The following IVL variants were observed in gnomAD, a reference collection of about 807,000 sequenced individuals.
IVL encodes the protein involucrin.
For synonymous variants in IVL, 257 were observed against 271.0 expected (o/e 0.95, Z 0.51); for missense variants, 722 against 624.9 (o/e 1.16, Z -1.66).
In IVL at chr1:152,909,941, T is replaced by C; in HGVS notation, c.144T>C (p.Pro48=). 1 of 1,614,126 alleles carries C rather than the reference T, an allele frequency of 6.2e-7. No individual in the cohort carries two copies. The highest frequency in any genetic ancestry group is 8.5e-7 in the Non-Finnish European group (1 of 1,180,010). The part of the protein sequence containing the change: ...TPLPPPCQKV[P]VELPVEVPSK... ...TGCCTCCCCCATGCCAGAAGGTGCC[T>C]GTCGAGCTCCCAGTGGAGGTCCCAT... Residue 48 remains proline, a synonymous_variant, in exon 2 of 2, where the codon CCT becomes CCC. Transcript: ENST00000368764.
rs1446692129 is a variant in IVL at position 152,910,333 on chromosome 1, A to G, written c.536A>G (p.Gln179Arg). ...GGACAGCTGAAGCACCCGGAGCAGC[A>G]GGAGGGGCAGCTGGAGCTCCCAGAG... ...QEGQLKHPEQQEGQLELPEQQ... is the reference protein window; with the variant it reads ...QEGQLKHPEQREGQLELPEQQ... The change falls in exon 2 of 2, where the codon CAG becomes CGG. Residue 179 changes from glutamine (Q) to arginine (R), a missense_variant. Transcript: ENST00000368764. 6.4e-7 allele frequency: 1 copy of G among 1,574,432 alleles called. No individual in the cohort carries two copies. The highest frequency in any genetic ancestry group is 8.6e-7 in the Non-Finnish European group (1 of 1,156,982).
At position 152,911,283 on chromosome 1, in the gene IVL, C is replaced by G; in HGVS notation, c.1486C>G (p.Gln496Glu). The G allele has an allele frequency of 1.9e-6, 3 of 1,563,444 alleles. No homozygotes were observed. The highest frequency in any genetic ancestry group is 2.4e-5 in the East Asian group (1 of 42,040). The change falls in exon 2 of 2, where the codon CAG becomes GAG. Residue 496 changes from glutamine (Q) to glutamate (E), a missense_variant. Transcript: ENST00000368764. ...QEAQLELPEQ[Q>E]VGQPKHLEQQ... The stretch of plus-strand genomic sequence containing the variant: ...GGCACAGCTGGAGCTCCCAGAGCAG[C>G]AGGTAGGACAGCCAAAGCACCTGGA...
In IVL at chr1:152,910,886, G is replaced by A. The variant is rs1455208971; in HGVS notation, c.1089G>A (p.Leu363=). Residue 363 remains leucine, a synonymous_variant, in exon 2 of 2, where the codon CTG becomes CTA. Transcript: ENST00000368764. ...ACCTGGAGCACCAGGAAGGGCAGCT[G>A]GGGCTCCCAGAGCAGCAGGTGCTGC... ...LEHLEHQEGQ[L]GLPEQQVLQL... is the part of the protein sequence containing the mutation. 6 of 1,550,714 alleles carry A rather than the reference G, an allele frequency of 3.9e-6. No individual in the cohort carries two copies. The African/African-American group carries it at 4.1e-5, about 11-fold the overall frequency.
rs768919029 is a variant in IVL at position 152,910,162 on chromosome 1, A to T, written c.365A>T (p.Gln122Leu). The change falls in exon 2 of 2, where the codon CAG becomes CTG. Residue 122 changes from glutamine (Q) to leucine (L), a missense_variant. Physicochemically the swap from Gln to Leu is moderately radical, Grantham distance 113 (BLOSUM62 -2). Transcript: ENST00000368764. ...KTQRDQQLNKQLEEEKKLLDQ... is the reference protein window; with the variant it reads ...KTQRDQQLNKLLEEEKKLLDQ... The stretch of plus-strand genomic sequence containing the variant: ...CAAAGGGATCAGCAGCTAAACAAAC[A>T]GCTGGAAGAAGAGAAGAAGCTCTTA... 2.5e-6 allele frequency: 4 copies of T among 1,614,112 alleles called. No homozygotes were observed. In the East Asian group the frequency reaches 8.9e-5, roughly 36 times the overall value.
At chr1:152,909,586 C>T (rs1649877407) in intron 1 of IVL, among the ~76,000 whole-genome samples, 193 bp from the exon 2 acceptor site, 1 of 152,166 alleles carries the variant, frequency 6.6e-6, no homozygotes, top group South Asian at 2.1e-4. Context: ...CTAGGAGGAC[C>T]TTTCTCTGCC....
At position 152,911,348 on chromosome 1, in the gene IVL, C is replaced by G. The variant is rs140811437; in HGVS notation, c.1551C>G (p.Asp517Glu). 2 of 1,581,594 alleles carry G rather than the reference C, an allele frequency of 1.3e-6. No individual in the cohort carries two copies. The highest frequency in any genetic ancestry group is 1.4e-5 in the African/African-American group (1 of 72,182). Residue 517 changes from aspartate to glutamate, a missense_variant, in exon 2 of 2, where the codon GAC becomes GAG. Coordinates refer to ENST00000368764, the MANE Select transcript of IVL (RefSeq NM_005547.4). Reference sequence around the variant, plus strand: ...ACCTAGAGCACCCAGAGCAGCAGGACGGACAACTAAAACATCTGGAGCAGC... The same window carrying G: ...ACCTAGAGCACCCAGAGCAGCAGGAGGGACAACTAAAACATCTGGAGCAGC... ...EKHLEHPEQQ[D>E]GQLKHLEQQE...
At chr1:152,909,724 T>A in intron 1 of IVL, 55 bp from the exon 2 acceptor site, 2 of 1,408,372 alleles carry the variant, frequency 1.4e-6, no homozygotes, top group Non-Finnish European at 1.9e-6. Context: ...ATTCCCAAGG[T>A]TTCATCTATT....
intron 1 of IVL, among the ~76,000 whole-genome samples, chr1:152,909,572 G>A (rs1294505084): frequency 2.0e-5 from 3 of 152,076 alleles, no homozygotes; most frequent in Admixed American, 1.3e-4. Context: ...GAACAAGGAG[G>A]CTCCTAGGAG....
rs139703221 is a variant in IVL at position 152,911,097 on chromosome 1, G to A, written c.1300G>A (p.Glu434Lys). Residue 434 changes from glutamate to lysine, a missense_variant, in exon 2 of 2, where the codon GAG (glutamate) becomes AAG (lysine). Glu to Lys is a moderately conservative substitution (Grantham distance 56). Transcript: ENST00000368764. ...EQQVGQLKHL[E>K]EQEGQLKHLE... ...GCAGGTGGGGCAGCTGAAGCACCTAGAGGAGCAGGAGGGACAACTGAAGCA... is the reference window on the plus strand; with the variant it reads ...GCAGGTGGGGCAGCTGAAGCACCTAAAGGAGCAGGAGGGACAACTGAAGCA... 196 of 1,550,896 alleles carry A rather than the reference G, an allele frequency of 1.3e-4. No individual in the cohort carries two copies. Among genetic ancestry groups the A allele is most frequent in the Non-Finnish European group, 1.6e-4 (180 of 1,146,562 alleles).
intron 1 of IVL, among the ~76,000 whole-genome samples, 156 bp downstream of exon 1, chr1:152,908,745 G>C (rs1649842810): frequency 6.6e-6 from 1 of 152,216 alleles, no homozygotes; most frequent in South Asian, 2.1e-4. Context: ...AGTACTGAGA[G>C]AAAAGTGCCT....
In IVL at chr1:152,908,828, G is replaced by T. The variant is rs1266407049; in HGVS notation, c.-20+239G>T. On this transcript the variant is annotated intron_variant, in intron 1 of 1. Transcript: ENST00000368764. ...TTCTTGTGACCATATTTTTGGATTT[G>T]TGTGTGAGAGAGAATTATGGAAGGG... Among the ~76,000 whole-genome samples, 8 of 152,188 alleles carry T rather than the reference G, an allele frequency of 5.3e-5. No homozygotes were observed. The East Asian group carries it at 1.5e-3, about 29-fold the overall frequency.
rs373993505 is a variant in IVL, at chr1:152,910,086, G to A, written c.289G>A (p.Glu97Lys). 3.1e-6 allele frequency: 5 copies of A among 1,614,072 alleles called. No individual in the cohort carries two copies. In the African/African-American group the frequency reaches 6.7e-5, roughly 22 times the overall value. ...LQQQHWEQHEEYQKAENPEQQ... is the reference protein window; with the variant it reads ...LQQQHWEQHEKYQKAENPEQQ... ...GCAACAGCACTGGGAACAGCATGAG[G>A]AATATCAGAAAGCAGAAAACCCAGA... The change falls in exon 2 of 2, where the codon GAA becomes AAA. Residue 97 changes from glutamate to lysine, a missense_variant. Transcript: ENST00000368764.
In IVL at chr1:152,911,834, TCAGTGAGTGTGTA is replaced by T; in HGVS notation, c.*282_*294del. The T allele has an allele frequency of 2.3e-6, 1 of 442,512 alleles. No homozygotes were observed. The highest frequency in any genetic ancestry group is 4.0e-5 in the East Asian group (1 of 24,932). The allele number at this position is 442,512 out of a possible 1,614,324, so 27.4% of individuals were successfully genotyped here. A position where few individuals can be genotyped will look rare whatever the true frequency, so the allele number is the denominator to read the frequency against. ...TTACTTCCCCAGTATTGAAGCTGAA[TCAGTGAGTGTGTA>T]CAATGATACATAATAAATCCTGGAA... On this transcript the variant is annotated 3_prime_UTR_variant, in exon 2 of 2. Transcript: ENST00000368764.
rs1042216720 is a variant in IVL, at chr1:152,910,904, G to C, written c.1107G>C (p.Gln369His). Reference sequence around the variant, plus strand: ...GGCAGCTGGGGCTCCCAGAGCAGCAGGTGCTGCAGCTGAAGCAGCTAGAGA... The same window carrying C: ...GGCAGCTGGGGCTCCCAGAGCAGCACGTGCTGCAGCTGAAGCAGCTAGAGA... ...QEGQLGLPEQ[Q>H]VLQLKQLEKQ... is the part of the protein sequence containing the mutation. Residue 369 changes from glutamine to histidine, a missense_variant, in exon 2 of 2, where the codon CAG becomes CAC. By Grantham distance (24) the Gln-to-His change is conservative. Transcript: ENST00000368764. 1.3e-6 allele frequency: 2 copies of C among 1,550,512 alleles called. No individual in the cohort carries two copies. Among genetic ancestry groups the C allele is most frequent in the African/African-American group, 2.7e-5 (2 of 72,814 alleles).
chr1:152,910,234 G>A lies in IVL; in HGVS notation c.437G>A (p.Gly146Glu), dbSNP rs747459885. The A allele has an allele frequency of 6.2e-7, 1 of 1,614,198 alleles. No homozygotes were observed. The highest frequency in any genetic ancestry group is 1.3e-5 in the African/African-American group (1 of 75,058). Residue 146 changes from glycine (G) to glutamate (E), a missense_variant, in exon 2 of 2, where the codon GGA becomes GAA. Physicochemically the swap from Gly to Glu is moderately conservative, Grantham distance 98 (BLOSUM62 -2). Transcript: ENST00000368764. ...CTAGTCAAGAGAGATGAGCAACTGGGAATGAAGAAAGAGCAACTGTTGGAG... is the reference window on the plus strand; with the variant it reads ...CTAGTCAAGAGAGATGAGCAACTGGAAATGAAGAAAGAGCAACTGTTGGAG... ...QELVKRDEQL[G>E]MKKEQLLELP...
Position 152,909,828 on chromosome 1 carries a change from C to T in IVL, c.31C>T (p.Leu11Phe), listed in dbSNP as rs1157031745. 1 of 1,613,762 alleles carries T rather than the reference C, an allele frequency of 6.2e-7. No individual in the cohort carries two copies. Among genetic ancestry groups the T allele is most frequent in the African/African-American group, 1.3e-5 (1 of 74,904 alleles). MSQQHTLPVT[L>F]SPALSQELLK... ...CCAGCAACACACACTGCCAGTGACCCTCTCCCCTGCCCTCAGTCAGGAGCT... is the reference window on the plus strand; with the variant it reads ...CCAGCAACACACACTGCCAGTGACCTTCTCCCCTGCCCTCAGTCAGGAGCT... Residue 11 changes from leucine (L) to phenylalanine (F), a missense_variant, in exon 2 of 2, where the codon CTC becomes TTC. Coordinates refer to ENST00000368764, the MANE Select transcript of IVL (RefSeq NM_005547.4).
At position 152,911,560 on chromosome 1, in the gene IVL, C is replaced by T; in HGVS notation, c.*5C>T. ...TGGCCACCCAAACATAAATAACCAC[C>T]CGCAGTGTCCAGAGGCCCTCAGATC... is the stretch of plus-strand genomic sequence containing the variant. On this transcript the variant is annotated 3_prime_UTR_variant, in exon 2 of 2. Coordinates refer to ENST00000368764, the MANE Select transcript of IVL (RefSeq NM_005547.4). The T allele has an allele frequency of 1.2e-6, 2 of 1,603,572 alleles. No individual in the cohort carries two copies. The highest frequency in any genetic ancestry group is 1.7e-6 in the Non-Finnish European group (2 of 1,174,976).
In IVL at chr1:152,911,582, G is replaced by A; in HGVS notation, c.*27G>A. ...CACCCGCAGTGTCCAGAGGCCCTCA[G>A]ATCGTCTCATACAAGGGAAGAGAGA... is the stretch of plus-strand genomic sequence containing the variant. On this transcript the variant is annotated 3_prime_UTR_variant, in exon 2 of 2. Coordinates refer to ENST00000368764, the MANE Select transcript of IVL (RefSeq NM_005547.4). 6.4e-7 allele frequency: 1 copy of A among 1,572,916 alleles called. No homozygotes were observed. The highest frequency in any genetic ancestry group is 8.6e-7 in the Non-Finnish European group (1 of 1,160,186).
Position 152,910,883 on chromosome 1 carries a change from G to A in IVL, c.1086G>A (p.Gln362=). The A allele has an allele frequency of 7.1e-6, 11 of 1,550,834 alleles. No homozygotes were observed. The highest frequency in any genetic ancestry group is 9.6e-6 in the Non-Finnish European group (11 of 1,146,874). Residue 362 remains glutamine, a synonymous_variant, in exon 2 of 2, where the codon CAG becomes CAA. Transcript: ENST00000368764. ...QLEHLEHQEG[Q]LGLPEQQVLQ... is the part of the protein sequence containing the mutation. ...AGCACCTGGAGCACCAGGAAGGGCA[G>A]CTGGGGCTCCCAGAGCAGCAGGTGC...
Sources: gnomAD v4.1 joint callset for allele counts (sites outside exome capture counted in the v4.1 genomes callset) on GRCh38, gnomAD v4.1.1 for gene constraint, MANE v1.5 for transcripts, NCBI Gene and HGNC (gene_info 2026-07-23, HGNC 2026-07-21) for gene names.